PDE3A: variants seen among roughly 807,000 people sequenced by gnomAD.
PDE3A encodes phosphodiesterase 3A.
Under a neutral mutation model 98.3 loss-of-function variants are expected in PDE3A, and 43 were observed. The observed-to-expected ratio is 0.44, with a 90% CI of 0.34 to 0.56. PDE3A has a LOEUF of 0.56. PDE3A is among the 20% of genes least tolerant of loss of function. PDE3A has a pLI of 0.01. For synonymous variants in PDE3A, 663 were observed against 567.9 expected, an observed-to-expected ratio of 1.17 and a Z score of -2.38; for missense variants, 1,427 against 1,440.7, an observed-to-expected ratio of 0.99 and a Z score of 0.15.
chr12:20,496,102 G>A (rs527971893), intron 1 of PDE3A, among the ~76,000 whole-genome samples: 1 of 152,280 alleles, frequency 6.6e-6, no homozygotes, highest in East Asian at 1.9e-4. Flanking sequence ...GAGAAATGGT[G>A]AGAAATGGGA....
At chr12:20,577,143 A>G (rs1942954146) in intron 2 of PDE3A, among the ~76,000 whole-genome samples, 1 of 152,008 alleles carries the variant, frequency 6.6e-6, no homozygotes, top group Admixed American at 6.6e-5. Flanking sequence ...ACCCCCAAAC[A>G]AGGAATTACA....
chr12:20,529,254 C>T (rs182715849), intron 1 of PDE3A, among the ~76,000 whole-genome samples: 1 of 152,178 alleles, frequency 6.6e-6, no homozygotes, highest in African/African-American at 2.4e-5. Flanking sequence ...CTATCAATAC[C>T]ACTTACCAAG....
In PDE3A at chr12:20,371,453, G is replaced by A. The variant is rs184325363; in HGVS notation, c.960+1209G>A. 1.1e-3 allele frequency: 1,094 copies of A among 981,662 alleles called. 5 individuals carry two copies. The highest frequency in any genetic ancestry group is 9.9e-4 in the Non-Finnish European group (822 of 826,506). 60.8% of individuals were successfully genotyped at this position (981,662 alleles called of 1,614,324 possible). On this transcript the variant is annotated intron_variant, in intron 1 of 15. Transcript: ENST00000359062. Reference sequence around the variant, plus strand: ...GGTACTATTAGGACAACTTTAGGGAGCAAGAGAATATCCTAAGATAAAGTA... The same window carrying A: ...GGTACTATTAGGACAACTTTAGGGAACAAGAGAATATCCTAAGATAAAGTA...
chr12:20,626,717 C>T (rs144786410), intron 5 of PDE3A, among the ~76,000 whole-genome samples: 2,942 of 152,110 alleles, frequency 0.019, 95 homozygotes, highest in African/African-American at 0.067. Context: ...AGGCTGGTCT[C>T]GAACTCCTGA....
chr12:20,586,771 A>G (rs1269908189), intron 2 of PDE3A, among the ~76,000 whole-genome samples: 1 of 152,246 alleles, frequency 6.6e-6, no homozygotes, highest in African/African-American at 2.4e-5. Context: ...CAATGTAACT[A>G]AGCAATTCCA....
At chr12:20,420,817 A>G (rs945736346) in intron 1 of PDE3A, among the ~76,000 whole-genome samples, 1 of 152,184 alleles carries the variant, frequency 6.6e-6, no homozygotes, top group African/African-American at 2.4e-5. Context: ...TCGCTTTGCT[A>G]TCAGATTACA....
At chr12:20,419,495 A>G (rs372046313) in intron 1 of PDE3A, among the ~76,000 whole-genome samples, 5 of 151,220 alleles carry the variant, frequency 3.3e-5, no homozygotes, top group East Asian at 3.9e-4. Context: ...TCTTTTAGAG[A>G]CAGGGTCTCT....
chr12:20,621,631 A>C (rs1258746932), intron 5 of PDE3A, among the ~76,000 whole-genome samples: 1 of 152,138 alleles, frequency 6.6e-6, no homozygotes, highest in African/African-American at 2.4e-5. Flanking sequence ...AAGTTGTTGT[A>C]TCAGATTTCC....
chr12:20,545,212 T>A (rs1039966611), intron 1 of PDE3A, among the ~76,000 whole-genome samples: 1 of 151,988 alleles, frequency 6.6e-6, no homozygotes, highest in South Asian at 2.1e-4. Context: ...GCATATAGGT[T>A]TAGAGGAATT....
At chr12:20,468,711 G>C (rs1487306065) in intron 1 of PDE3A, among the ~76,000 whole-genome samples, 2 of 152,122 alleles carry the variant, frequency 1.3e-5, no homozygotes, top group African/African-American at 4.8e-5. Context: ...CTTCTGTTGA[G>C]AGAAATTAAA....
At chr12:20,646,728 T>C (rs1340041018) in intron 11 of PDE3A, 23 bp from the exon 12 acceptor site, 1 of 1,553,536 alleles carries the variant, frequency 6.4e-7, no homozygotes, top group East Asian at 2.2e-5. Flanking sequence ...AAAACTTCTT[T>C]GACTCTCATT....
At chr12:20,599,622 T>G (rs1943541856) in intron 2 of PDE3A, among the ~76,000 whole-genome samples, 1 of 152,208 alleles carries the variant, frequency 6.6e-6, no homozygotes, top group African/African-American at 2.4e-5. Context: ...TATCTCCCAT[T>G]GTGAAAGGTT....
intron 2 of PDE3A, among the ~76,000 whole-genome samples, chr12:20,596,958 C>A (rs2121395333): frequency 6.6e-6 from 1 of 152,178 alleles, no homozygotes; most frequent in Non-Finnish European, 1.5e-5. Context: ...GAACGGTACC[C>A]AGTATTTAGC....
intron 15 of PDE3A, among the ~76,000 whole-genome samples, chr12:20,679,483 G>A (rs902775080): frequency 5.9e-5 from 9 of 152,126 alleles, no homozygotes; most frequent in Non-Finnish European, 8.8e-5. Context: ...TCCTGAGCTC[G>A]TGATTCGCCC....
chr12:20,369,454 G>GCT lies in PDE3A; in HGVS notation c.174_175dup (p.Arg59LeufsTer21). Reference sequence around the variant, plus strand: ...GACCTGGTGCTGCAGCCGCTCCGGAGCTCTCGGAAACTTTCCTCCGCGCTG... The same window carrying GCT: ...GACCTGGTGCTGCAGCCGCTCCGGAGCTCTCTCGGAAACTTTCCTCCGCGCTG... On this transcript the variant is annotated frameshift_variant, in exon 1 of 16. Coordinates refer to ENST00000359062, the MANE Select transcript of PDE3A (RefSeq NM_000921.5). LOFTEE classifies it high-confidence loss of function. The GCT allele has an allele frequency of 6.4e-7, 1 of 1,556,054 alleles. No individual in the cohort carries two copies. Among genetic ancestry groups the GCT allele is most frequent in the African/African-American group, 1.4e-5 (1 of 73,456 alleles).
chr12:20,551,952 C>T, intron 1 of PDE3A: 3 of 1,612,930 alleles, frequency 1.9e-6, no homozygotes, highest in South Asian at 2.2e-5. Context: ...AGTCGGGTGT[C>T]CATCGGCCCC....
In PDE3A at chr12:20,654,184, T is replaced by A. The variant is rs367810728; in HGVS notation, c.3163T>A (p.Cys1055Ser). 5 of 1,613,916 alleles carry A rather than the reference T, an allele frequency of 3.1e-6. No homozygotes were observed. The African/African-American group carries it at 6.7e-5, about 22-fold the overall frequency. ...EAPAPNEEET[C>S]ENNESPKKKT... is the part of the protein sequence containing the mutation. ...ACCAGCACCAAATGAAGAGGAAACC[T>A]GTGAAAATAATGAATCTCCAAGTAA... Residue 1055 changes from cysteine to serine, a missense_variant, in exon 15 of 16, where the codon TGT becomes AGT. By Grantham distance (112) the Cys-to-Ser change is moderately radical. Transcript: ENST00000359062.
chr12:20,580,409 A>G (rs1243736394), intron 2 of PDE3A, among the ~76,000 whole-genome samples: 1 of 152,196 alleles, frequency 6.6e-6, no homozygotes, highest in Non-Finnish European at 1.5e-5. Context: ...AAAAATCTGT[A>G]TAGACTGAAG....
chr12:20,624,058 T>A (rs1944201965), intron 5 of PDE3A, among the ~76,000 whole-genome samples: 1 of 152,102 alleles, frequency 6.6e-6, no homozygotes, highest in Non-Finnish European at 1.5e-5. Context: ...AATCCATGTG[T>A]AGCTCAAAAA....
Sources: gnomAD v4.1 joint callset for allele counts (sites outside exome capture counted in the v4.1 genomes callset) on GRCh38, gnomAD v4.1.1 for gene constraint, MANE v1.5 for transcripts, NCBI Gene and HGNC (gene_info 2026-07-23, HGNC 2026-07-21) for gene names.